The following AOPEP variants were observed in gnomAD, a reference collection of about 807,000 sequenced individuals.
AOPEP encodes the protein aminopeptidase O (putative), also known as aminopeptidase O.
In AOPEP, 77 loss-of-function variants were observed where a neutral mutation model predicts 98.1. That is an observed-to-expected ratio of 0.78 (90% CI 0.65 to 0.95). The LOEUF (loss-of-function observed/expected upper bound fraction) is 0.95, where lower values mean the gene tolerates loss of function less well. Among genes scored for constraint, AOPEP ranks in the 40% least tolerant of loss-of-function variants. AOPEP has a pLI of 0.00. For missense variants in AOPEP, 1,024 were observed against 1,024.7 expected, an observed-to-expected ratio of 1.00 and a Z score of 0.01; for synonymous variants, 346 against 365.3, an observed-to-expected ratio of 0.95 and a Z score of 0.60.
chr9:95,011,671 G>T (rs1157630783), intron 13 of AOPEP, among the ~76,000 whole-genome samples: 1 of 152,030 alleles, frequency 6.6e-6, no homozygotes, highest in Non-Finnish European at 1.5e-5. Context: ...TAAAAATTAG[G>T]TATGATGGTA....
intron 5 of AOPEP, among the ~76,000 whole-genome samples, chr9:94,862,214 G>A (rs760530106): frequency 3.9e-5 from 6 of 152,126 alleles, no homozygotes; most frequent in South Asian, 4.1e-4. Context: ...TAAAAAGGAC[G>A]TTTCTTTCAA....
Position 94,970,860 on chromosome 9 carries a change from A to G in AOPEP, c.1916+3059A>G, listed in dbSNP as rs185924856. On this transcript the variant is annotated intron_variant, in intron 10 of 16. Coordinates refer to ENST00000375315, the MANE Select transcript of AOPEP (RefSeq NM_001193329.3). ...TTCAGGTCCTCTCACAGAATGAAGC[A>G]GTTTCCTTAGGAACTAAAACCGAGA... Among the ~76,000 whole-genome samples, 31 of 152,264 alleles carry G rather than the reference A, an allele frequency of 2.0e-4. No homozygotes were observed. In the East Asian group the frequency reaches 6.0e-3, roughly 29 times the overall value.
intron 10 of AOPEP, among the ~76,000 whole-genome samples, 192 bp from the exon 11 acceptor site, chr9:94,979,175 G>A (rs1243572355): frequency 6.6e-6 from 1 of 152,136 alleles, no homozygotes; most frequent in African/African-American, 2.4e-5. Flanking sequence ...GTTGCTGTGG[G>A]TGAAGAGGAG....
Position 95,087,066 on chromosome 9 carries a change from G to GAGGAGCTGTGTGA in AOPEP, c.*389_*390insAGGAGCTGTGTGA. The GAGGAGCTGTGTGA allele has an allele frequency of 6.6e-6, 3 of 455,046 alleles. No individual in the cohort carries two copies. The highest frequency in any genetic ancestry group is 5.8e-6 in the Non-Finnish European group (2 of 345,190). The allele number at this position is 455,046 out of a possible 1,614,324, so 28.2% of individuals were successfully genotyped here. ...TTCTATAATTCCAGAAAGTCACACA[G>GAGGAGCTGTGTGA]CTCCTCTGTATGAGACCAGTGGGCG... is the stretch of plus-strand genomic sequence containing the variant. On this transcript the variant is annotated 3_prime_UTR_variant, in exon 17 of 17. Coordinates refer to ENST00000375315, the MANE Select transcript of AOPEP (RefSeq NM_001193329.3).
At chr9:95,085,906 G>T (rs1366916314) in intron 16 of AOPEP, 4 of 1,223,158 alleles carry the variant, frequency 3.3e-6, no homozygotes, top group Non-Finnish European at 4.2e-6. Context: ...TCTGGGCGCG[G>T]TGAACTCTCT....
intron 3 of AOPEP, among the ~76,000 whole-genome samples, chr9:94,785,057 C>T (rs978821847): frequency 6.6e-6 from 1 of 152,218 alleles, no homozygotes; most frequent in South Asian, 2.1e-4. Context: ...GCCTCAGCCT[C>T]CTGAGTAGCT....
intron 5 of AOPEP, among the ~76,000 whole-genome samples, chr9:94,860,759 G>A (rs1271477619): frequency 6.6e-6 from 1 of 152,148 alleles, no homozygotes; most frequent in African/African-American, 2.4e-5. Flanking sequence ...AGCAGATTAG[G>A]AGAAAAGATT....
chr9:94,977,663 CA>C (rs1244861001), intron 10 of AOPEP, among the ~76,000 whole-genome samples: 1 of 152,208 alleles, frequency 6.6e-6, no homozygotes, highest in Non-Finnish European at 1.5e-5. Context: ...TCATAGCTTA[CA>C]GGGGGACTTG....
At chr9:95,108,083 T>C in the AOPEP span, among the ~76,000 whole-genome samples, 1 of 152,220 alleles carries the variant, frequency 6.6e-6, no homozygotes, top group East Asian at 1.9e-4. Flanking sequence ...TCTGAAAGAA[T>C]ACTTAGGCCT....
At chr9:95,007,796 G>A (rs1285507755) in intron 13 of AOPEP, among the ~76,000 whole-genome samples, 1 of 152,188 alleles carries the variant, frequency 6.6e-6, no homozygotes, top group Non-Finnish European at 1.5e-5. Context: ...CAAAACATGC[G>A]ATATTTCCAA....
intron 7 of AOPEP, among the ~76,000 whole-genome samples, chr9:94,952,433 C>G (rs1484075487): frequency 6.6e-6 from 1 of 152,222 alleles, no homozygotes; most frequent in Non-Finnish European, 1.5e-5. Context: ...TCTGTCAACA[C>G]TCCCTCCCAA....
Position 94,759,637 on chromosome 9 carries a change from C to T in AOPEP, c.-135-12C>T, listed in dbSNP as rs773210484. 3.0e-6 allele frequency: 2 copies of T among 659,654 alleles called. No individual in the cohort carries two copies. Among genetic ancestry groups the T allele is most frequent in the Non-Finnish European group, 5.0e-6 (2 of 399,314 alleles). The allele number at this position is 659,654 out of a possible 1,614,324, so 40.9% of individuals were successfully genotyped here. A position where few individuals can be genotyped will look rare whatever the true frequency, so the allele number is the denominator to read the frequency against. On this transcript the variant is annotated splice_polypyrimidine_tract_variant and intron_variant, in intron 1 of 16. Coordinates refer to ENST00000375315, the MANE Select transcript of AOPEP (RefSeq NM_001193329.3). The stretch of plus-strand genomic sequence containing the variant: ...TGGAATTTTATCTAATTGTGCTTTC[C>T]TTTTTTGCCAGGAGACTGAAAGGAA...
downstream of AOPEP, among the ~76,000 whole-genome samples, chr9:95,091,242 G>T (rs914163620): frequency 6.6e-6 from 1 of 152,168 alleles, no homozygotes; most frequent in Non-Finnish European, 1.5e-5. Context: ...GGGGGTGAGG[G>T]GAGGTGCTGG....
At chr9:94,770,662 A>G (rs1357977694) in intron 2 of AOPEP, among the ~76,000 whole-genome samples, 1 of 152,204 alleles carries the variant, frequency 6.6e-6, no homozygotes, top group Non-Finnish European at 1.5e-5. Context: ...GTGAGAAAAG[A>G]TAGTCTAAGA....
intron 7 of AOPEP, among the ~76,000 whole-genome samples, chr9:94,939,669 T>A (rs56340483): frequency 0.039 from 5,897 of 152,304 alleles, 397 homozygotes; most frequent in African/African-American, 0.14. Context: ...TGGCTCCCAG[T>A]CAAAACTTTG....
At chr9:94,984,258 T>A (rs991666834) in intron 11 of AOPEP, among the ~76,000 whole-genome samples, 4 of 152,146 alleles carry the variant, frequency 2.6e-5, no homozygotes, top group African/African-American at 9.7e-5. Context: ...CTCGATCTCC[T>A]GACCTCGTGA....
chr9:95,045,296 G>A lies in AOPEP; in HGVS notation c.2116-15398G>A, dbSNP rs559276634. ...AGTGCAGCTCCGCAGGCGCAGGAGG[G>A]ATGCGGGCTGGGGACGCCTTGGGGC... is the stretch of plus-strand genomic sequence containing the variant. On this transcript the variant is annotated intron_variant, in intron 13 of 16. Transcript: ENST00000375315. Among the ~76,000 whole-genome samples, 9 of 152,356 alleles carry A rather than the reference G, an allele frequency of 5.9e-5. No individual in the cohort carries two copies. In the South Asian group the frequency reaches 1.7e-3, roughly 28 times the overall value.
chr9:95,120,458 A>G, the AOPEP span, among the ~76,000 whole-genome samples: 3 of 149,856 alleles, frequency 2.0e-5, no homozygotes, highest in Non-Finnish European at 3.0e-5. Flanking sequence ...CCTGTCTTCC[A>G]GGCTGGAGTG....
At chr9:95,086,156 C>G in intron 16 of AOPEP, 9 of 1,343,714 alleles carry the variant, frequency 6.7e-6, no homozygotes, top group African/African-American at 5.9e-5. Flanking sequence ...GGGGCTCCCA[C>G]TCGCGGCAGA....
Sources: allele counts gnomAD v4.1 joint callset (sites outside exome capture counted in the v4.1 genomes callset), GRCh38; gene constraint gnomAD v4.1.1; transcripts MANE v1.5; gene names NCBI Gene and HGNC (gene_info 2026-07-23, HGNC 2026-07-21).